The following PAM variants were observed in gnomAD, a reference collection of about 807,000 sequenced individuals.
PAM encodes the protein peptidyl-glycine alpha-amidating monooxygenase.
Under a neutral mutation model 122.1 loss-of-function variants are expected in PAM, and 72 were observed. That is an observed-to-expected ratio of 0.59 (90% CI 0.49 to 0.72). The LOEUF is 0.72. PAM is among the 30% of genes least tolerant of loss of function. The probability of loss-of-function intolerance (pLI) is 0.00; values close to 1 mark genes in which losing one functional copy is unlikely to be tolerated. For synonymous variants in PAM, 389 were observed against 404.4 expected, an observed-to-expected ratio of 0.96 and a Z score of 0.46; for missense variants, 1,106 against 1,183.7, an observed-to-expected ratio of 0.93 and a Z score of 0.96.
At chr5:102,864,182 ATATTT>A (rs1406789674) in intron 1 of PAM, among the ~76,000 whole-genome samples, 1 of 137,612 alleles carries the variant, frequency 7.3e-6, no homozygotes, top group Admixed American at 7.1e-5. Flanking sequence ...ATATATATAT[ATATTT>A]TTTTTTTTTT....
chr5:102,924,867 A>G, intron 5 of PAM, 90 bp from the exon 6 acceptor site: 4 of 745,270 alleles, frequency 5.4e-6, no homozygotes, highest in Non-Finnish European at 9.8e-6. Flanking sequence ...TTGGTTTCAA[A>G]TACCTTCCCC....
At chr5:102,811,135 T>A (rs1225631779) in intron 1 of PAM, among the ~76,000 whole-genome samples, 1 of 152,252 alleles carries the variant, frequency 6.6e-6, no homozygotes, top group Non-Finnish European at 1.5e-5. Context: ...ACAAGAGTGA[T>A]GAAAGTAGCA....
At chr5:102,953,372 C>T (rs1020283647) in intron 12 of PAM, among the ~76,000 whole-genome samples, 6 of 152,016 alleles carry the variant, frequency 3.9e-5, no homozygotes, top group African/African-American at 1.4e-4. Flanking sequence ...TACTATTTAG[C>T]CTTTACAAGG....
intron 1 of PAM, among the ~76,000 whole-genome samples, chr5:102,831,452 A>G (rs1775419141): frequency 7.0e-6 from 1 of 143,326 alleles, no homozygotes. Flanking sequence ...TTTTTTTACA[A>G]AGTATGCCAT....
chr5:102,801,999 CGATCT>C (rs372012180), intron 1 of PAM, among the ~76,000 whole-genome samples: 3,542 of 150,574 alleles, frequency 0.024, 81 homozygotes, highest in East Asian at 0.13. Context: ...AGGATGGTCT[CGATCT>C]GATCTCCTGA....
intron 7 of PAM, among the ~76,000 whole-genome samples, chr5:102,931,918 T>C (rs753519142): frequency 7.9e-5 from 12 of 152,162 alleles, no homozygotes; most frequent in Non-Finnish European, 1.5e-4. Flanking sequence ...CCTGGAAGTA[T>C]AGCCAAAAGT....
intron 24 of PAM, among the ~76,000 whole-genome samples, chr5:103,026,579 A>G (rs1285050369): frequency 2.6e-5 from 4 of 152,226 alleles, no homozygotes; most frequent in African/African-American, 9.6e-5. Context: ...AGAGAAATAA[A>G]CATAGTCATT....
In PAM at chr5:102,867,256, T is replaced by G. The variant is rs903605923; in HGVS notation, c.90-17T>G. The G allele has an allele frequency of 3.3e-5, 51 of 1,567,298 alleles. No homozygotes were observed. Among genetic ancestry groups the G allele is most frequent in the Non-Finnish European group, 4.4e-5 (50 of 1,139,002 alleles). On this transcript the variant is annotated splice_polypyrimidine_tract_variant and intron_variant, in intron 2 of 25. Transcript: ENST00000438793. ...TCCATTATGTTCAAGAATATTGAAATTGCCCTCTTTTTTAAGGTTTAAAGA... is the reference window on the plus strand; with the variant it reads ...TCCATTATGTTCAAGAATATTGAAAGTGCCCTCTTTTTTAAGGTTTAAAGA...
intron 5 of PAM, among the ~76,000 whole-genome samples, chr5:102,915,826 T>C (rs1802936691): frequency 1.3e-5 from 2 of 152,250 alleles, no homozygotes; most frequent in South Asian, 4.1e-4. Flanking sequence ...CCAAGCTCAT[T>C]GTTCTCATGT....
chr5:102,962,784 T>C (rs1762872986), intron 14 of PAM, among the ~76,000 whole-genome samples: 2 of 151,840 alleles, frequency 1.3e-5, no homozygotes, highest in South Asian at 4.1e-4. Context: ...CCAGATTCTT[T>C]AAAATACTTT....
At position 103,029,163 on chromosome 5, in the gene PAM, G is replaced by C. The variant is rs1036735326; in HGVS notation, c.*98G>C. ...AGTTCTGTGTATTTAATTGTAAACT[G>C]TACTAGTCTGTGTGGGACTGTACAC... On this transcript the variant is annotated 3_prime_UTR_variant, in exon 26 of 26. Coordinates refer to ENST00000438793, the MANE Select transcript of PAM (RefSeq NM_001177306.2). 4 of 978,146 alleles carry C rather than the reference G, an allele frequency of 4.1e-6. No homozygotes were observed. Among genetic ancestry groups the C allele is most frequent in the Non-Finnish European group, 6.0e-6 (4 of 663,748 alleles). The allele number at this position is 978,146 out of a possible 1,614,324, so 60.6% of individuals were successfully genotyped here.
chr5:102,965,647 T>C (rs565464714), intron 14 of PAM, among the ~76,000 whole-genome samples: 1 of 152,172 alleles, frequency 6.6e-6, no homozygotes, highest in Non-Finnish European at 1.5e-5. Flanking sequence ...CTCCTCATTG[T>C]AGTCTTTGTG....
chr5:103,000,856 C>T (rs188643996), intron 16 of PAM, among the ~76,000 whole-genome samples: 1 of 152,270 alleles, frequency 6.6e-6, no homozygotes, highest in East Asian at 1.9e-4. Context: ...CACCAAGTCC[C>T]TCCCATGACA....
chr5:102,990,141 G>C (rs906777485), intron 15 of PAM, 131 bp from the exon 16 acceptor site: 1 of 576,334 alleles, frequency 1.7e-6, no homozygotes, highest in African/African-American at 1.9e-5. Context: ...TGTAGAGCAC[G>C]GCTTGATTGT....
chr5:103,005,076 C>T, intron 17 of PAM, 78 bp from the exon 18 acceptor site: 2 of 756,960 alleles, frequency 2.6e-6, no homozygotes, highest in Non-Finnish European at 4.8e-6. Flanking sequence ...ATTGTCTTTA[C>T]AGATTAATTA....
intron 1 of PAM, among the ~76,000 whole-genome samples, chr5:102,855,789 C>G (rs1782474602): frequency 6.6e-6 from 1 of 151,958 alleles, no homozygotes; most frequent in Admixed American, 6.6e-5. Flanking sequence ...AAAGGCAGAT[C>G]CCCACCTTCA....
At chr5:102,987,908 C>T (rs1489120118) in intron 15 of PAM, among the ~76,000 whole-genome samples, 2 of 152,272 alleles carry the variant, frequency 1.3e-5, no homozygotes, top group South Asian at 2.1e-4. Context: ...TTCATATGCT[C>T]TAAAATATTT....
At chr5:102,833,944 G>A (rs1486164863) in intron 1 of PAM, among the ~76,000 whole-genome samples, 1 of 152,064 alleles carries the variant, frequency 6.6e-6, no homozygotes, top group Non-Finnish European at 1.5e-5. Context: ...AGAGATAATA[G>A]AATCTTATTC....
chr5:102,867,367 C>T lies in PAM; in HGVS notation c.184C>T (p.Arg62Cys), dbSNP rs776407655. Residue 62 changes from arginine (R) to cysteine (C), a missense_variant, in exon 3 of 26, where the codon CGC (arginine) becomes TGC (cysteine). Physicochemically the swap from Arg to Cys is radical, Grantham distance 180 (BLOSUM62 -3). This residue lies in a region of PAM where 670 missense variants were observed against 690.3 expected (regional missense o/e 0.97). Transcript: ENST00000438793. The stretch of plus-strand genomic sequence containing the variant: ...TTCATCAGATTTTGCATTGGATATT[C>T]GCATGCCTGGGGTTACACCTAAACA... The part of the protein sequence containing the change: ...IDSSDFALDI[R>C]MPGVTPKQSD... 4 of 1,608,936 alleles carry T rather than the reference C, an allele frequency of 2.5e-6. No homozygotes were observed. The African/African-American group carries it at 5.3e-5, about 22-fold the overall frequency.
Sources: allele counts gnomAD v4.1 joint callset (sites outside exome capture counted in the v4.1 genomes callset), GRCh38; gene constraint gnomAD v4.1.1; regional missense constraint gnomAD v4.1.1; transcripts MANE v1.5; gene names NCBI Gene and HGNC (gene_info 2026-07-23, HGNC 2026-07-21).